Variants in CES5A observed in about 807,000 individuals in gnomAD.
The protein encoded by CES5A is carboxylesterase 5A.
In CES5A, 67 loss-of-function variants were observed where a neutral mutation model predicts 62.9. The observed-to-expected ratio is 1.07, with a 90% CI of 0.88 to 1.31. The LOEUF is 1.31. Ranked by LOEUF, CES5A falls within the 50% of genes most tolerant of loss-of-function variation. The probability of loss-of-function intolerance (pLI) is 0.00; values close to 1 mark genes in which losing one functional copy is unlikely to be tolerated. For missense variants in CES5A, 748 were observed against 708.5 expected, an observed-to-expected ratio of 1.06 and a Z score of -0.63; for synonymous variants, 296 against 280.8, an observed-to-expected ratio of 1.05 and a Z score of -0.54.
intron 6 of CES5A, among the ~76,000 whole-genome samples, chr16:55,861,915 A>T (rs2033359410): frequency 6.6e-6 from 1 of 152,122 alleles, no homozygotes; most frequent in South Asian, 2.1e-4. Flanking sequence ...AAGAGTGAGG[A>T]GCAGCTTTGG....
At chr16:55,860,543 A>G (rs1441066216) in intron 7 of CES5A, among the ~76,000 whole-genome samples, 3 of 152,190 alleles carry the variant, frequency 2.0e-5, no homozygotes, top group Non-Finnish European at 4.4e-5. Flanking sequence ...ATGCAAAGGG[A>G]AAAATGGTGG....
intron 1 of CES5A, among the ~76,000 whole-genome samples, 196 bp downstream of exon 1, chr16:55,874,953 C>T (rs917125808): frequency 6.6e-6 from 1 of 152,220 alleles, no homozygotes; most frequent in African/African-American, 2.4e-5. Flanking sequence ...CCAGGATCTT[C>T]TGTGCGCTAC....
chr16:55,875,178 G>A lies in CES5A; in HGVS notation c.44C>T (p.Ala15Val). 6.2e-7 allele frequency: 1 copy of A among 1,614,092 alleles called. No individual in the cohort carries two copies. Among genetic ancestry groups the A allele is most frequent in the Non-Finnish European group, 8.5e-7 (1 of 1,179,998 alleles). The change falls in exon 1 of 13, where the codon GCT (alanine) becomes GTT (valine). Residue 15 changes from alanine to valine, a missense_variant. Transcript: ENST00000290567. The part of the protein sequence containing the change: ...WVHPGQILIW[A>V]IWVLAAPTKG... ...GGTGGGGGCTGCAAGGACCCAGATAGCCCAAATTAGGATCTGGCCTGGGTG... is the reference window on the plus strand; with the variant it reads ...GGTGGGGGCTGCAAGGACCCAGATAACCCAAATTAGGATCTGGCCTGGGTG...
intron 2 of CES5A, among the ~76,000 whole-genome samples, chr16:55,932,788 C>T (rs2034328597): frequency 6.6e-6 from 1 of 152,148 alleles, no homozygotes; most frequent in Admixed American, 6.5e-5. Context: ...AAGAGGGAGG[C>T]AGGAGCCAGA....
At chr16:55,955,211 T>C (rs997006453) in intron 1 of CES5A, among the ~76,000 whole-genome samples, 3 of 152,172 alleles carry the variant, frequency 2.0e-5, no homozygotes, top group African/African-American at 4.8e-5. Flanking sequence ...AACTTTTTTT[T>C]CCCTTCTTTT....
chr16:55,866,203 A>T (rs1276818876), intron 4 of CES5A, 87 bp from the exon 5 acceptor site: 4 of 1,382,772 alleles, frequency 2.9e-6, no homozygotes, highest in Non-Finnish European at 3.9e-6. Context: ...GGCTGTGGGC[A>T]GGGGTCAGTG....
intron 3 of CES5A, among the ~76,000 whole-genome samples, chr16:55,870,487 G>C (rs1413925523): frequency 2.0e-5 from 3 of 152,162 alleles, no homozygotes; most frequent in African/African-American, 7.2e-5. Flanking sequence ...GATTGCCTGA[G>C]CTCAGGAGTT....
At position 55,873,874 on chromosome 16, in the gene CES5A, C is replaced by T. The variant is rs753057525; in HGVS notation, c.237G>A (p.Ser79=). Residue 79 remains serine, a synonymous_variant, in exon 2 of 13, where the codon TCG becomes TCA. Transcript: ENST00000290567. ...SLRFTNPQPA[S]PWDNLREATS... ...TGGCTTCTCGCAAGTTATCCCAGGG[C>T]GATGCAGGCTGCGGGTTCGTAAATC... 1.5e-5 allele frequency: 25 copies of T among 1,613,534 alleles called. No individual in the cohort carries two copies. Among genetic ancestry groups the T allele is most frequent in the South Asian group, 5.5e-5 (5 of 90,846 alleles).
chr16:55,933,881 A>G (rs1243094137), intron 2 of CES5A, among the ~76,000 whole-genome samples: 1 of 152,168 alleles, frequency 6.6e-6, no homozygotes, highest in Non-Finnish European at 1.5e-5. Context: ...AAAGGCCTAC[A>G]TACTATGACC....
intron 2 of CES5A, among the ~76,000 whole-genome samples, chr16:55,947,226 T>G (rs1320484778): frequency 6.6e-6 from 1 of 152,158 alleles, no homozygotes; most frequent in Non-Finnish European, 1.5e-5. Flanking sequence ...AATCACAATT[T>G]CAGCAAAAGA....
At chr16:55,907,739 T>C (rs11076130) in intron 1 of CES5A, among the ~76,000 whole-genome samples, 22,052 of 152,106 alleles carry the variant, frequency 0.14, 1,715 homozygotes, top group Non-Finnish European at 0.18. Flanking sequence ...CTCATTCATC[T>C]CAGGCTTCTT....
chr16:55,925,811 C>G (rs542659431), upstream of CES5A, among the ~76,000 whole-genome samples: 1 of 152,160 alleles, frequency 6.6e-6, no homozygotes, highest in South Asian at 2.1e-4. Flanking sequence ...TAAAAAGCTT[C>G]TGCACAGCAG....
chr16:55,853,230 G>C (rs570284672), intron 9 of CES5A, among the ~76,000 whole-genome samples: 5 of 152,134 alleles, frequency 3.3e-5, no homozygotes, highest in Non-Finnish European at 7.4e-5. Context: ...AAGTGGTTGG[G>C]TCCAACTGGA....
upstream of CES5A, among the ~76,000 whole-genome samples, chr16:55,875,737 G>A (rs1325582137): frequency 1.3e-5 from 2 of 152,156 alleles, no homozygotes; most frequent in East Asian, 3.9e-4. Flanking sequence ...AGTCTTCAAT[G>A]GCCATTTGGT....
Position 55,859,668 on chromosome 16 carries a change from C to A in CES5A, c.935G>T (p.Arg312Leu), listed in dbSNP as rs563591908. 6.2e-7 allele frequency: 1 copy of A among 1,608,384 alleles called. No individual in the cohort carries two copies. Among genetic ancestry groups the A allele is most frequent in the African/African-American group, 1.3e-5 (1 of 74,618 alleles). ...TLSQKTKSFT[R>L]VVDGAFFPNE... ...AGGAAAGAAAGCACCATCAACCACT[C>A]GAGTGAAAGACTTTGTTTTCTGTAA... The change falls in exon 8 of 13, where the codon CGA becomes CTA. Residue 312 changes from arginine to leucine, a missense_variant. By Grantham distance (102) the Arg-to-Leu change is moderately radical. Transcript: ENST00000290567.
intron 6 of CES5A, 93 bp from the exon 7 acceptor site, chr16:55,861,609 G>GATT: frequency 2.3e-6 from 2 of 859,866 alleles, no homozygotes; most frequent in Non-Finnish European, 3.9e-6. Context: ...GCCACAGGCT[G>GATT]GCCCTCCATA....
intron 1 of CES5A, among the ~76,000 whole-genome samples, chr16:55,909,556 G>A (rs1274533113): frequency 7.1e-6 from 1 of 141,380 alleles, no homozygotes; most frequent in Non-Finnish European, 1.5e-5. Flanking sequence ...GAGCATGTGA[G>A]TGCGTGCGCA....
intron 1 of CES5A, among the ~76,000 whole-genome samples, chr16:55,883,525 G>A (rs117772992): frequency 0.026 from 4,015 of 152,182 alleles, 68 homozygotes; most frequent in Middle Eastern, 0.078. Context: ...CTCCCATCTC[G>A]GCCTCACAGA....
chr16:55,937,615 C>T (rs572285596), intron 2 of CES5A, among the ~76,000 whole-genome samples: 18 of 152,208 alleles, frequency 1.2e-4, no homozygotes, highest in Non-Finnish European at 2.5e-4. Flanking sequence ...GCCAAGTGGG[C>T]ATATCATACT....
Sources: gnomAD v4.1 joint callset for allele counts (sites outside exome capture counted in the v4.1 genomes callset) on GRCh38, gnomAD v4.1.1 for gene constraint, MANE v1.5 for transcripts, NCBI Gene and HGNC (gene_info 2026-07-23, HGNC 2026-07-21) for gene names.